UNC13A: variants seen among roughly 807,000 people sequenced by gnomAD.
UNC13A encodes unc-13 homolog A, also known as protein unc-13 homolog A.
UNC13A carries 61 observed loss-of-function variants against 219.7 expected under a neutral mutation model. That is an observed-to-expected ratio of 0.28 (90% CI 0.23 to 0.34). UNC13A has a LOEUF of 0.34. UNC13A is among the 10% of genes least tolerant of loss of function. The pLI, the probability that UNC13A is intolerant of heterozygous loss-of-function variation, is 1.00. For synonymous variants in UNC13A, 920 were observed against 884.6 expected, an observed-to-expected ratio of 1.04 and a Z score of -0.71; for missense variants, 1,476 against 2,270.3, an observed-to-expected ratio of 0.65 and a Z score of 7.11.
chr19:17,634,168 C>A (rs918223004), intron 26 of UNC13A, among the ~76,000 whole-genome samples: 4 of 152,090 alleles, frequency 2.6e-5, no homozygotes, highest in African/African-American at 9.7e-5. Context: ...ATTTATCTGT[C>A]CTTCCATCCA....
intron 7 of UNC13A, among the ~76,000 whole-genome samples, chr19:17,664,177 T>C (rs116901991): frequency 6.6e-6 from 1 of 152,170 alleles, no homozygotes; most frequent in Non-Finnish European, 1.5e-5. Context: ...TTTCTGACTA[T>C]GATGTCTAGG....
intron 19 of UNC13A, among the ~76,000 whole-genome samples, chr19:17,644,167 C>T (rs1460078410): frequency 6.6e-6 from 1 of 152,096 alleles, no homozygotes; most frequent in Non-Finnish European, 1.5e-5. Context: ...ATACCTCCCT[C>T]TTTAGACTGG....
Position 17,602,872 on chromosome 19 carries a change from A to G in UNC13A, c.*3182T>C, listed in dbSNP as rs2076480479. ...ACTAGGCGTAGACTCCCTGTCACCC[A>G]CTTGTGCCCAGCCTGTGCTAGGTAA... On this transcript the variant is annotated 3_prime_UTR_variant, in exon 44 of 44. Coordinates refer to ENST00000519716, the MANE Select transcript of UNC13A (RefSeq NM_001080421.3). 6.6e-6 allele frequency: 1 copy of G among 152,268 alleles called. No individual in the cohort carries two copies. The allele number at this position is 152,268 out of a possible 1,614,324, so 9.4% of individuals were successfully genotyped here.
intron 40 of UNC13A, 60 bp from the exon 41 acceptor site, chr19:17,617,909 C>G (rs1046166271): frequency 1.9e-6 from 3 of 1,591,238 alleles, no homozygotes; most frequent in Admixed American, 1.7e-5. Flanking sequence ...ACTCATAGGG[C>G]TGGGTAGCCC....
chr19:17,619,101 C>T (rs2076699222), intron 38 of UNC13A, 139 bp from the exon 39 acceptor site: 2 of 755,778 alleles, frequency 2.6e-6, no homozygotes, highest in East Asian at 2.6e-5. Flanking sequence ...CTGGAATTCC[C>T]CAGGAAGAAC....
chr19:17,626,832 G>A, intron 33 of UNC13A, 47 bp from the exon 34 acceptor site: 1 of 1,574,052 alleles, frequency 6.4e-7, no homozygotes, highest in East Asian at 2.3e-5. Flanking sequence ...AGGGCTGGAT[G>A]AGGACACAGA....
intron 41 of UNC13A, chr19:17,616,325 G>C (rs1214019206): frequency 9.1e-6 from 6 of 656,480 alleles, no homozygotes; most frequent in African/African-American, 5.4e-5. Context: ...GCAGAAGGAC[G>C]ATCCTTTTAC....
rs1029634423 is a variant in UNC13A, at chr19:17,601,906, G to A, written c.*4148C>T. 6.6e-6 allele frequency: 1 copy of A among 152,632 alleles called. No homozygotes were observed. The highest frequency in any genetic ancestry group is 1.5e-5 in the Non-Finnish European group (1 of 68,038). The allele number at this position is 152,632 out of a possible 1,614,324, so 9.5% of individuals were successfully genotyped here. A position where few individuals can be genotyped will look rare whatever the true frequency, so the allele number is the denominator to read the frequency against. The stretch of plus-strand genomic sequence containing the variant: ...GAAAGGATTCTGGGGAGCAGACGGG[G>A]TTGTGATCCGGGACTAAGGCCCTCC... On this transcript the variant is annotated 3_prime_UTR_variant, in exon 44 of 44. Coordinates refer to ENST00000519716, the MANE Select transcript of UNC13A (RefSeq NM_001080421.3).
Position 17,649,079 on chromosome 19 carries a change from T to A in UNC13A, c.1525-96A>T. ...CCACGGATGGGGCCAGCAGCCACATTTTGGAGCCACAACCGCAAGTTGGAA... is the reference window on the plus strand; with the variant it reads ...CCACGGATGGGGCCAGCAGCCACATATTGGAGCCACAACCGCAAGTTGGAA... On this transcript the variant is annotated intron_variant, in intron 14 of 43. Transcript: ENST00000519716. The surrounding 1 kb of genome is among the most constrained non-coding windows in gnomAD (Gnocchi z 4.4). 1 of 1,368,674 alleles carries A rather than the reference T, an allele frequency of 7.3e-7. No individual in the cohort carries two copies. The highest frequency in any genetic ancestry group is 1.0e-6 in the Non-Finnish European group (1 of 1,002,300). 84.8% of individuals were successfully genotyped at this position (1,368,674 alleles called of 1,614,324 possible).
chr19:17,682,530 A>G lies in UNC13A; in HGVS notation c.22+5648T>C, dbSNP rs1291041593. 2.0e-5 allele frequency among the ~76,000 whole-genome samples: 3 copies of G among 152,132 alleles called. No homozygotes were observed. In the South Asian group the frequency reaches 6.2e-4, roughly 31 times the overall value. On this transcript the variant is annotated intron_variant, in intron 1 of 43. Transcript: ENST00000519716. ...AAGAGGTCCATTGTATGTGGAAGAA[A>G]AGTGAGGCCAGGTTAGGGAAAGGGT...
At chr19:17,617,589 A>G in intron 41 of UNC13A, 113 bp downstream of exon 41, 1 of 1,468,400 alleles carries the variant, frequency 6.8e-7, no homozygotes, top group Non-Finnish European at 9.3e-7. Flanking sequence ...AGAGATGTCA[A>G]TTCCGCCCCA....
rs992110363 is a variant in UNC13A, at chr19:17,606,294, G to A, written c.4872C>T (p.Tyr1624=). ...CCGTGCGGTCCTCGCGCGCGAAGCAGTAGTCCTTGACGCACACCTGCAGCT... is the reference window on the plus strand; with the variant it reads ...CCGTGCGGTCCTCGCGCGCGAAGCAATAGTCCTTGACGCACACCTGCAGCT... ...CYELQVCVKD[Y]CFAREDRTVG... The change falls in exon 44 of 44, where the codon TAC becomes TAT. Residue 1624 remains tyrosine, a synonymous_variant. Transcript: ENST00000519716. 25 of 1,549,644 alleles carry A rather than the reference G, an allele frequency of 1.6e-5. No individual in the cohort carries two copies. Among genetic ancestry groups the A allele is most frequent in the Non-Finnish European group, 2.1e-5 (24 of 1,147,506 alleles).
chr19:17,606,060 CG>C lies in UNC13A; in HGVS notation c.5105del (p.Ala1702GlyfsTer50). On this transcript the variant is annotated frameshift_variant, in exon 44 of 44. Coordinates refer to ENST00000519716, the MANE Select transcript of UNC13A (RefSeq NM_001080421.3). LOFTEE classifies it high-confidence loss of function. ...RSAEEGGAAP[A>X]P ...GCTCGGCCGACCGCCCGCGCTAAGG[CG>C]CAGGCGCGGCACCGCCCTCCTCGGC... The C allele has an allele frequency of 5.8e-6, 9 of 1,561,790 alleles. No homozygotes were observed. The highest frequency in any genetic ancestry group is 7.8e-6 in the Non-Finnish European group (9 of 1,158,586).
chr19:17,640,733 C>T, intron 21 of UNC13A, 72 bp from the exon 22 acceptor site: 1 of 1,443,382 alleles, frequency 6.9e-7, no homozygotes, highest in Non-Finnish European at 9.2e-7. Flanking sequence ...CCTAGAATGC[C>T]TCCAAGATAG....
rs932216261 is a variant in UNC13A, at chr19:17,662,116, G to A, written c.559+1416C>T. Among the ~76,000 whole-genome samples the A allele has an allele frequency of 4.6e-5, 7 of 152,052 alleles. 1 individual carries two copies. The highest frequency in any genetic ancestry group is 2.1e-4 in the South Asian group (1 of 4,810). On this transcript the variant is annotated intron_variant, in intron 8 of 43. Coordinates refer to ENST00000519716, the MANE Select transcript of UNC13A (RefSeq NM_001080421.3). ...AAATTAGCTGGGCATGGTGGCACGC[G>A]CCTGTAATCCCAGCTACTTGGGAGG...
rs370800141 is a variant in UNC13A, at chr19:17,630,719, C to T, written c.3460G>A (p.Asp1154Asn). 78 of 1,613,800 alleles carry T rather than the reference C, an allele frequency of 4.8e-5. No homozygotes were observed. Among genetic ancestry groups the T allele is most frequent in the Non-Finnish European group, 6.4e-5 (75 of 1,179,882 alleles). ...WFEPFVIQWLDENEEVSRDFL... is the reference protein window; with the variant it reads ...WFEPFVIQWLNENEEVSRDFL... ...TCCCGGGACACCTCCTCATTCTCAT[C>T]CAGCCACTGGATGACGAAGGGTTCA... is the stretch of plus-strand genomic sequence containing the variant. The change falls in exon 29 of 44, where the codon GAT becomes AAT. Residue 1154 changes from aspartate (D) to asparagine (N), a missense_variant. Around this residue, in one of 14 missense-constraint regions of UNC13A, gnomAD observed 218 missense variants for 409.4 expected, o/e 0.53. Transcript: ENST00000519716.
At chr19:17,685,886 A>G (rs2080099114) in intron 1 of UNC13A, among the ~76,000 whole-genome samples, 1 of 151,948 alleles carries the variant, frequency 6.6e-6, no homozygotes, top group Non-Finnish European at 1.5e-5. Flanking sequence ...ATCTCAGCCT[A>G]GCTTCACTCC....
chr19:17,624,392 T>C (rs1320201280), intron 35 of UNC13A, among the ~76,000 whole-genome samples: 1 of 152,180 alleles, frequency 6.6e-6, no homozygotes, highest in African/African-American at 2.4e-5. Flanking sequence ...AGTGCTGGGA[T>C]TGCAGGCGTG....
chr19:17,623,667 G>C (rs567595008), intron 35 of UNC13A, 120 bp from the exon 36 acceptor site: 1 of 524,766 alleles, frequency 1.9e-6, no homozygotes, highest in Non-Finnish European at 3.3e-6. Flanking sequence ...CCCTGCCCCA[G>C]CCCAGCCCAG....
Sources: gnomAD v4.1 joint callset for allele counts (sites outside exome capture counted in the v4.1 genomes callset) on GRCh38, gnomAD v4.1.1 for gene constraint, gnomAD v4.1.1 regional missense constraint, Gnocchi (gnomAD v3.1) non-coding constraint, MANE v1.5 for transcripts, NCBI Gene and HGNC (gene_info 2026-07-23, HGNC 2026-07-21) for gene names.